The following ADGRG4 variants were observed in gnomAD, a reference collection of about 807,000 sequenced individuals.
The protein encoded by ADGRG4 is adhesion G protein-coupled receptor G4.
In ADGRG4, 122 loss-of-function variants were observed where a neutral mutation model predicts 126.2. That is an observed-to-expected ratio of 0.97 (90% CI 0.83 to 1.12). The LOEUF is 1.12. Ranked by LOEUF, ADGRG4 falls within the 50% of genes most tolerant of loss-of-function variation. The pLI, the probability that ADGRG4 is intolerant of heterozygous loss-of-function variation, is 0.00. For missense variants in ADGRG4, 2,481 were observed against 2,251.8 expected, an observed-to-expected ratio of 1.10 and a Z score of -2.06; for synonymous variants, 943 against 838.7, an observed-to-expected ratio of 1.12 and a Z score of -2.15.
intron 16 of ADGRG4, among the ~76,000 whole-genome samples, chrX:136,391,811 A>C (rs2075320920): frequency 8.9e-6 from 1 of 112,755 alleles, no homozygotes; most frequent in African/African-American, 3.2e-5. Context: ...AGTGGTTTAT[A>C]ACTTACAAAT....
intron 7 of ADGRG4, among the ~76,000 whole-genome samples, chrX:136,351,919 G>A (rs933814706): frequency 4.5e-5 from 5 of 110,632 alleles, no homozygotes; most frequent in African/African-American, 1.3e-4. Flanking sequence ...AAGTATTATT[G>A]TTTTCTGCAT....
At chrX:136,327,345 A>G (rs2074879687) in intron 5 of ADGRG4, among the ~76,000 whole-genome samples, 1 of 110,640 alleles carries the variant, frequency 9.0e-6, no homozygotes, top group African/African-American at 3.3e-5. Context: ...GTAGCACACC[A>G]ACATGGCCCA....
intron 15 of ADGRG4, among the ~76,000 whole-genome samples, chrX:136,384,213 C>T (rs181210214): frequency 9.0e-6 from 1 of 110,721 alleles, no homozygotes; most frequent in East Asian, 2.8e-4. Flanking sequence ...GCCTGGCCTG[C>T]ATTGTTTTCT....
At chrX:136,301,653 A>G (rs988404794) in intron 1 of ADGRG4, among the ~76,000 whole-genome samples, 1 of 111,758 alleles carries the variant, frequency 8.9e-6, no homozygotes, top group Non-Finnish European at 1.9e-5. Flanking sequence ...TGAAGTCCTT[A>G]CCCATGCCTA....
intron 15 of ADGRG4, among the ~76,000 whole-genome samples, chrX:136,378,012 TA>T (rs770118502): frequency 3.3e-4 from 37 of 111,379 alleles, no homozygotes; most frequent in African/African-American, 1.1e-3. Flanking sequence ...TCAATTTGTA[TA>T]AAAAACTTGC....
Position 136,412,354 on chromosome X carries a change from G to A in ADGRG4, c.9025G>A (p.Asp3009Asn), listed in dbSNP as rs746739687. The change falls in exon 24 of 26, where the codon GAT becomes AAT. Residue 3009 changes from aspartate (D) to asparagine (N), a missense_variant. Coordinates refer to ENST00000394143, the MANE Select transcript of ADGRG4 (RefSeq NM_153834.4). ...CCTCTGCTGTGGGTGGTTGCGATTGGATAACTCTTCTGGTAAGATGTCAGT... is the reference window on the plus strand; with the variant it reads ...CCTCTGCTGTGGGTGGTTGCGATTGAATAACTCTTCTGGTAAGATGTCAGT... ...IHLCCGWLRL[D>N]NSSDGSSRCQ... 59 of 1,151,748 alleles carry A rather than the reference G, an allele frequency of 5.1e-5. No homozygotes were observed. Among genetic ancestry groups the A allele is most frequent in the Non-Finnish European group, 6.8e-5 (57 of 841,839 alleles). 94.9% of individuals were successfully genotyped at this position (1,151,748 alleles called of 1,213,427 possible). A position where few individuals can be genotyped will look rare whatever the true frequency, so the allele number is the denominator to read the frequency against.
intron 5 of ADGRG4, among the ~76,000 whole-genome samples, chrX:136,333,962 T>C (rs1378258729): frequency 8.9e-6 from 1 of 111,878 alleles, no homozygotes; most frequent in African/African-American, 3.2e-5. Flanking sequence ...CCAAAGATTT[T>C]CTCCTATATT....
At chrX:136,340,414 T>C (rs1304204442) in intron 5 of ADGRG4, among the ~76,000 whole-genome samples, 1 of 111,657 alleles carries the variant, frequency 9.0e-6, no homozygotes, top group Non-Finnish European at 1.9e-5. Context: ...TCAGGGAATG[T>C]CCATAATTTG....
At chrX:136,372,862 A>G in intron 14 of ADGRG4, 40 bp from the exon 15 acceptor site, 1 of 1,193,513 alleles carries the variant, frequency 8.4e-7, no homozygotes, top group East Asian at 3.0e-5. Flanking sequence ...TTTTACTTTT[A>G]AAAGGTAGGA....
rs758355223 is a variant in ADGRG4, at chrX:136,323,177, C to T, written c.470C>T (p.Thr157Ile). The T allele has an allele frequency of 4.1e-6, 5 of 1,209,681 alleles. No individual in the cohort carries two copies. Among genetic ancestry groups the T allele is most frequent in the Non-Finnish European group, 5.6e-6 (5 of 894,961 alleles). ...CCACACAACCTGACACCTCATGGGA[C>T]TCTGTTCCTAGGGCACTTTCTCAAG... ...DQPHNLTPHG[T>I]LFLGHFLKNE... The change falls in exon 5 of 26, where the codon ACT (threonine) becomes ATT (isoleucine). Residue 157 changes from threonine to isoleucine, a missense_variant. By Grantham distance (89) the Thr-to-Ile change is moderately conservative. Coordinates refer to ENST00000394143, the MANE Select transcript of ADGRG4 (RefSeq NM_153834.4).
intron 3 of ADGRG4, among the ~76,000 whole-genome samples, chrX:136,307,227 A>C (rs186905386): frequency 8.9e-6 from 1 of 112,365 alleles, no homozygotes; most frequent in Non-Finnish European, 1.9e-5. Context: ...TGCTTTGAAA[A>C]TTGCCTTCGA....
intron 5 of ADGRG4, among the ~76,000 whole-genome samples, chrX:136,337,740 A>G (rs1201309680): frequency 8.9e-6 from 1 of 112,031 alleles, no homozygotes; most frequent in South Asian, 3.7e-4. Context: ...TTTGTCTTTT[A>G]GTTTTCAAAA....
At chrX:136,413,716 CTTTG>C (rs2075459714) in intron 24 of ADGRG4, among the ~76,000 whole-genome samples, 1 of 103,700 alleles carries the variant, frequency 9.6e-6, no homozygotes, top group Admixed American at 1.1e-4. Context: ...GTGCATCAAG[CTTTG>C]TTTTTTTGTT....
intron 5 of ADGRG4, among the ~76,000 whole-genome samples, chrX:136,339,510 T>C (rs988464905): frequency 3.6e-5 from 4 of 111,934 alleles, no homozygotes; most frequent in Non-Finnish European, 5.6e-5. Flanking sequence ...CCAACTTGCC[T>C]GAAGTTGTCA....
chrX:136,399,797 TAA>T (rs376015717), intron 20 of ADGRG4, 49 bp from the exon 21 acceptor site: 278 of 863,348 alleles, frequency 3.2e-4, no homozygotes, highest in African/African-American at 7.3e-4. Context: ...GATGTTTAAT[TAA>T]AAAAAAAAAA....
rs758881709 is a variant in ADGRG4 at position 136,348,194 on chromosome X, A to G, written c.4488A>G (p.Thr1496=). 4 of 1,208,384 alleles carry G rather than the reference A, an allele frequency of 3.3e-6. No homozygotes were observed. Among genetic ancestry groups the G allele is most frequent in the Non-Finnish European group, 4.5e-6 (4 of 892,777 alleles). Residue 1496 remains threonine (T), a synonymous_variant, in exon 6 of 26, where the codon ACA becomes ACG. Transcript: ENST00000394143. ...CCTTTTCTGTTCCAAATGTACCTAC[A>G]ATGCTTCCTAGAGAATCCTCTATGG... ...TTAFSVPNVP[T]MLPRESSMAT...
chrX:136,379,301 A>T (rs1390017937), intron 15 of ADGRG4, among the ~76,000 whole-genome samples: 1 of 111,541 alleles, frequency 9.0e-6, no homozygotes, highest in East Asian at 2.8e-4. Flanking sequence ...TAACATCTGT[A>T]GGATTTATAG....
intron 15 of ADGRG4, among the ~76,000 whole-genome samples, chrX:136,378,665 T>G (rs781438987): frequency 1.2e-4 from 14 of 112,005 alleles, no homozygotes; most frequent in African/African-American, 4.2e-4. Context: ...TTGAGGTAGT[T>G]ACCTTCTATT....
intron 3 of ADGRG4, among the ~76,000 whole-genome samples, chrX:136,305,668 T>C (rs2074728977): frequency 8.9e-6 from 1 of 112,490 alleles, no homozygotes; most frequent in Non-Finnish European, 1.9e-5. Context: ...TGTGAATATG[T>C]TCATGCCTCT....
Sources: allele counts gnomAD v4.1 joint callset (sites outside exome capture counted in the v4.1 genomes callset), GRCh38; gene constraint gnomAD v4.1.1; transcripts MANE v1.5; gene names NCBI Gene and HGNC (gene_info 2026-07-23, HGNC 2026-07-21).